The following PDE1C variants were observed in gnomAD, a reference collection of about 807,000 sequenced individuals.
PDE1C encodes the protein dual specificity calcium/calmodulin-dependent 3',5'-cyclic nucleotide phosphodiesterase 1C.
Under a neutral mutation model 93.1 loss-of-function variants are expected in PDE1C, and 62 were observed. The observed-to-expected ratio is 0.67, with a 90% CI of 0.54 to 0.82. The LOEUF (loss-of-function observed/expected upper bound fraction) is 0.82. Ranked by LOEUF, PDE1C falls within the 40% of genes least tolerant of loss-of-function variation. The probability of loss-of-function intolerance (pLI) is 0.00; values close to 1 mark genes in which losing one functional copy is unlikely to be tolerated. For missense variants in PDE1C, 742 were observed against 884.6 expected (o/e 0.84, Z 2.04); for synonymous variants, 325 against 310.1 (o/e 1.05, Z -0.50).
chr7:31,850,164 C>T (rs1287425921), intron 8 of PDE1C, among the ~76,000 whole-genome samples: 2 of 152,016 alleles, frequency 1.3e-5, no homozygotes, highest in Admixed American at 6.6e-5. Flanking sequence ...GGTGCAAGCA[C>T]TAAACAGAGC....
In PDE1C at chr7:32,420,124, T is replaced by TATATATATATATAC. The variant is rs1207972839; in HGVS notation, c.310+7697_310+7698insGTATATATATATAT. On this transcript the variant is annotated intron_variant, in intron 1 of 1. Coordinates refer to the PDE1C transcript ENST00000672256. ...ATATATATATATATATATATATATA[T>TATATATATATATAC]ACACACACACACACACACACACACA... Among the ~76,000 whole-genome samples, 7 of 13,086 alleles carry TATATATATATATAC rather than the reference T, an allele frequency of 5.3e-4. 1 individual carries two copies. The highest frequency in any genetic ancestry group is 7.3e-4 in the African/African-American group (3 of 4,096). The allele number at this position is 13,086 out of a possible 152,430, so 8.6% of individuals were successfully genotyped here. A position where few individuals can be genotyped will look rare whatever the true frequency, so the allele number is the denominator to read the frequency against.
At chr7:31,969,476 A>G (rs1468730516) in intron 2 of PDE1C, among the ~76,000 whole-genome samples, 1 of 152,206 alleles carries the variant, frequency 6.6e-6, no homozygotes, top group Non-Finnish European at 1.5e-5. Context: ...GGTGATCATT[A>G]AAAAGTCAGG....
chr7:32,296,231 G>A (rs779204749), intron 1 of PDE1C, among the ~76,000 whole-genome samples: 25 of 152,160 alleles, frequency 1.6e-4, no homozygotes, highest in Middle Eastern at 3.4e-3. Context: ...TTTCTTAAAT[G>A]CCTCTCTAGC....
chr7:31,790,490 G>C (rs1784460923), intron 16 of PDE1C, among the ~76,000 whole-genome samples: 1 of 152,140 alleles, frequency 6.6e-6, no homozygotes, highest in South Asian at 2.1e-4. Flanking sequence ...AATCTTAATA[G>C]TTGCTGTAAA....
chr7:32,040,513 C>T (rs892652381), intron 2 of PDE1C, among the ~76,000 whole-genome samples: 5 of 152,114 alleles, frequency 3.3e-5, no homozygotes, highest in African/African-American at 1.2e-4. Context: ...AGCCAAATCA[C>T]CCCCAGTCGA....
chr7:31,917,087 G>T (rs1336082557), intron 2 of PDE1C, among the ~76,000 whole-genome samples: 2 of 152,066 alleles, frequency 1.3e-5, no homozygotes, highest in Non-Finnish European at 2.9e-5. Context: ...CAGTACCCCT[G>T]GATGGGAAAG....
chr7:31,832,326 G>A lies in PDE1C; in HGVS notation c.1204-3953C>T, dbSNP rs184111153. ...TTTCCAACATGACATATTTACCAAC[G>A]AGGTGAACTTATACTTCTTTAAAGT... is the stretch of plus-strand genomic sequence containing the variant. On this transcript the variant is annotated intron_variant, in intron 11 of 17. Coordinates refer to ENST00000396191, the MANE Select transcript of PDE1C (RefSeq NM_001191057.4). 1.6e-3 allele frequency among the ~76,000 whole-genome samples: 247 copies of A among 152,240 alleles called. 2 individuals carry two copies. Among genetic ancestry groups the A allele is most frequent in the African/African-American group, 5.7e-3 (236 of 41,550 alleles).
chr7:31,882,809 TA>T (rs1444900550), intron 2 of PDE1C, among the ~76,000 whole-genome samples: 1 of 151,974 alleles, frequency 6.6e-6, no homozygotes, highest in Non-Finnish European at 1.5e-5. Context: ...GTAATAGAAG[TA>T]AAAGCCAGAA....
chr7:32,216,544 T>A (rs1806447915), intron 1 of PDE1C, among the ~76,000 whole-genome samples: 1 of 152,158 alleles, frequency 6.6e-6, no homozygotes, highest in African/African-American at 2.4e-5. Context: ...CCAAGGATAT[T>A]GGAAGGAGAC....
At chr7:31,799,175 C>T (rs3807622) in intron 16 of PDE1C, among the ~76,000 whole-genome samples, 2,436 of 151,650 alleles carry the variant, frequency 0.016, 45 homozygotes, top group East Asian at 0.12. Flanking sequence ...TGGAAATGAA[C>T]CTAAGACAGA....
At chr7:32,265,602 T>C (rs1041962726) in intron 1 of PDE1C, among the ~76,000 whole-genome samples, 1 of 152,204 alleles carries the variant, frequency 6.6e-6, no homozygotes, top group African/African-American at 2.4e-5. Flanking sequence ...AATCCAACTA[T>C]GCCAAAGCTA....
Position 32,163,621 on chromosome 7 carries a change from C to A in PDE1C, c.308+6164G>T, listed in dbSNP as rs75961274. On this transcript the variant is annotated intron_variant, in intron 3 of 18. Coordinates refer to the PDE1C transcript ENST00000396193. ...CCCCACTGACTCTGTAGGGAGTAAG[C>A]ACATGATTCTTCCAAGTGCAAAATT... Among the ~76,000 whole-genome samples the A allele has an allele frequency of 4.1e-3, 631 of 152,246 alleles. 5 individuals are homozygous for A. Among genetic ancestry groups the A allele is most frequent in the African/African-American group, 0.015 (615 of 41,532 alleles).
the PDE1C span, among the ~76,000 whole-genome samples, chr7:31,736,883 A>G: frequency 9.3e-4 from 142 of 152,274 alleles, no homozygotes; most frequent in African/African-American, 3.3e-3. Context: ...GTAGCCACTT[A>G]ACGCAGTTGA....
intron 2 of PDE1C, among the ~76,000 whole-genome samples, chr7:31,915,248 C>T (rs796223124): frequency 1.4e-4 from 22 of 152,300 alleles, no homozygotes; most frequent in African/African-American, 5.3e-4. Context: ...GCTTTCCTAT[C>T]CCAATCTCTG....
chr7:31,727,534 A>C, the PDE1C span, among the ~76,000 whole-genome samples: 1 of 152,180 alleles, frequency 6.6e-6, no homozygotes, highest in Non-Finnish European at 1.5e-5. Context: ...TAGAATTCCC[A>C]AGACAAATAG....
intron 16 of PDE1C, among the ~76,000 whole-genome samples, chr7:31,801,107 C>T (rs908975594): frequency 2.7e-5 from 4 of 149,270 alleles, no homozygotes; most frequent in Non-Finnish European, 6.0e-5. Flanking sequence ...ACAAAGTAAA[C>T]CCAATAGCAA....
intron 1 of PDE1C, among the ~76,000 whole-genome samples, chr7:32,312,354 C>T (rs1462143813): frequency 3.3e-5 from 5 of 151,574 alleles, no homozygotes; most frequent in Non-Finnish European, 5.9e-5. Context: ...AGATTCAATG[C>T]CATCCCCATC....
chr7:31,704,649 G>A, the PDE1C span, among the ~76,000 whole-genome samples: 772 of 152,318 alleles, frequency 5.1e-3, 6 homozygotes, highest in African/African-American at 0.018. Flanking sequence ...GGTTGTGGCT[G>A]CAGCCACAAT....
chr7:31,647,762 C>T, the PDE1C span, among the ~76,000 whole-genome samples: 1 of 149,302 alleles, frequency 6.7e-6, no homozygotes, highest in African/African-American at 2.5e-5. Context: ...GATGTTGAAA[C>T]TAAGAGCAAT....
Sources: gnomAD v4.1 joint callset for allele counts (sites outside exome capture counted in the v4.1 genomes callset) on GRCh38, gnomAD v4.1.1 for gene constraint, MANE v1.5 for transcripts, NCBI Gene and HGNC (gene_info 2026-07-23, HGNC 2026-07-21) for gene names.